ANKIB1: variants seen among roughly 807,000 people sequenced by gnomAD.
ANKIB1 encodes the protein ankyrin repeat and IBR domain containing 1.
In ANKIB1, 43 loss-of-function variants were observed where a neutral mutation model predicts 122.1. The observed-to-expected ratio is 0.35, with a 90% CI of 0.28 to 0.45. The LOEUF is 0.45. Ranked by LOEUF, ANKIB1 falls within the 20% of genes least tolerant of loss-of-function variation. ANKIB1 has a pLI of 1.00. For missense variants in ANKIB1, 992 were observed against 1,329.5 expected (o/e 0.75, Z 3.95); for synonymous variants, 390 against 442.0 (o/e 0.88, Z 1.48).
chr7:92,398,722 G>C lies in ANKIB1; in HGVS notation c.3043G>C (p.Glu1015Gln), dbSNP rs761556086. 19 of 1,613,684 alleles carry C rather than the reference G, an allele frequency of 1.2e-5. No homozygotes were observed. The highest frequency in any genetic ancestry group is 1.7e-4 in the Middle Eastern group (1 of 6,060). ...TGGGTCAGAAGGTGTGAAGGATGTGGAACTGGTGCTGCCAGAAGATTCAAT... is the reference window on the plus strand; with the variant it reads ...TGGGTCAGAAGGTGTGAAGGATGTGCAACTGGTGCTGCCAGAAGATTCAAT... Reference protein sequence around the residue: ...KDGSEGVKDVELVLPEDSMFE... With the variant: ...KDGSEGVKDVQLVLPEDSMFE... The change falls in exon 20 of 20, where the codon GAA becomes CAA. Residue 1015 changes from glutamate (E) to glutamine (Q), a missense_variant. Coordinates refer to ENST00000265742, the MANE Select transcript of ANKIB1 (RefSeq NM_019004.2).
intron 5 of ANKIB1, among the ~76,000 whole-genome samples, chr7:92,337,003 G>A (rs528511983): frequency 1.8e-4 from 28 of 152,198 alleles, no homozygotes; most frequent in Admixed American, 4.6e-4. Flanking sequence ...TTACCAGGAG[G>A]GCTATCCTAT....
In ANKIB1 at chr7:92,278,539, A is replaced by G. The variant is rs757570606; in HGVS notation, c.-90-16350A>G. Among the ~76,000 whole-genome samples, 190 of 152,218 alleles carry G rather than the reference A, an allele frequency of 1.2e-3. 1 individual carries two copies. The highest frequency in any genetic ancestry group is 1.2e-3 in the Non-Finnish European group (82 of 68,030). On this transcript the variant is annotated intron_variant, in intron 1 of 19. Coordinates refer to ENST00000265742, the MANE Select transcript of ANKIB1 (RefSeq NM_019004.2). ...TCTTGTTACAAAATGTGTCCCATTT[A>G]ACAATCTTAACTTTATAGTTTTCCA...
intron 10 of ANKIB1, among the ~76,000 whole-genome samples, chr7:92,362,756 G>A (rs1803981079): frequency 6.6e-6 from 1 of 152,196 alleles, no homozygotes; most frequent in African/African-American, 2.4e-5. Flanking sequence ...TGAGACTTCT[G>A]TAAATACATT....
chr7:92,322,426 TATG>T (rs1456848579), intron 4 of ANKIB1, among the ~76,000 whole-genome samples: 1 of 152,084 alleles, frequency 6.6e-6, no homozygotes, highest in African/African-American at 2.4e-5. Context: ...AAATGATCAT[TATG>T]ATTATAGGTA....
intron 4 of ANKIB1, among the ~76,000 whole-genome samples, chr7:92,321,665 C>T (rs1437419604): frequency 2.6e-5 from 4 of 152,152 alleles, no homozygotes; most frequent in African/African-American, 9.7e-5. Flanking sequence ...TATTATGTAA[C>T]TACTGGTTTG....
At chr7:92,289,495 A>G (rs1159054982) in intron 1 of ANKIB1, among the ~76,000 whole-genome samples, 2 of 152,192 alleles carry the variant, frequency 1.3e-5, no homozygotes, top group African/African-American at 4.8e-5. Context: ...CTTCCACCAC[A>G]CTGCTCCTCA....
intron 1 of ANKIB1, among the ~76,000 whole-genome samples, chr7:92,257,626 C>G (rs1255139085): frequency 6.6e-6 from 1 of 152,146 alleles, no homozygotes; most frequent in Non-Finnish European, 1.5e-5. Context: ...AACCCCGTCT[C>G]CACTAAAAAT....
intron 1 of ANKIB1, among the ~76,000 whole-genome samples, chr7:92,263,501 A>G (rs375689920): frequency 6.6e-6 from 1 of 152,314 alleles, no homozygotes; most frequent in Non-Finnish European, 1.5e-5. Context: ...TTGAGTTCTG[A>G]ACCATGTGAG....
At chr7:92,320,254 A>G (rs1370692467) in intron 4 of ANKIB1, among the ~76,000 whole-genome samples, 1 of 152,104 alleles carries the variant, frequency 6.6e-6, no homozygotes, top group African/African-American at 2.4e-5. Context: ...TCATCTTCTT[A>G]TGAGAGAACC....
chr7:92,323,003 T>C (rs183640239), intron 4 of ANKIB1, among the ~76,000 whole-genome samples: 138 of 152,304 alleles, frequency 9.1e-4, no homozygotes, highest in African/African-American at 3.2e-3. Context: ...AATGAGTTAA[T>C]ATATGTATAA....
intron 9 of ANKIB1, among the ~76,000 whole-genome samples, chr7:92,361,867 T>C (rs1350032955): frequency 6.6e-6 from 1 of 152,066 alleles, no homozygotes; most frequent in Non-Finnish European, 1.5e-5. Context: ...TGGAGTGCAA[T>C]GGTGCAATCT....
At position 92,350,949 on chromosome 7, in the gene ANKIB1, G is replaced by T; in HGVS notation, c.1086-1G>T. On this transcript the variant is annotated splice_acceptor_variant, in intron 7 of 19. Coordinates refer to ENST00000265742, the MANE Select transcript of ANKIB1 (RefSeq NM_019004.2). LOFTEE classifies it high-confidence loss of function. ...TGATGTGCATTGATCCATTTTAATAGGTTTTTGAATCTGAAAATTCAAGAA... is the reference window on the plus strand; with the variant it reads ...TGATGTGCATTGATCCATTTTAATATGTTTTTGAATCTGAAAATTCAAGAA... 1 of 1,600,768 alleles carries T rather than the reference G, an allele frequency of 6.2e-7. No individual in the cohort carries two copies. The highest frequency in any genetic ancestry group is 8.5e-7 in the Non-Finnish European group (1 of 1,174,700).
At chr7:92,394,174 A>G (rs560833627) in intron 17 of ANKIB1, among the ~76,000 whole-genome samples, 1 of 152,306 alleles carries the variant, frequency 6.6e-6, no homozygotes, top group Admixed American at 6.5e-5. Flanking sequence ...GTGATACCCC[A>G]TGGAAGTTCT....
chr7:92,308,709 G>A lies in ANKIB1; in HGVS notation c.486+1053G>A, dbSNP rs1404896867. 4.6e-5 allele frequency among the ~76,000 whole-genome samples: 7 copies of A among 151,896 alleles called. 1 individual carries two copies. The East Asian group carries it at 1.2e-3, about 25-fold the overall frequency. On this transcript the variant is annotated intron_variant, in intron 3 of 19. Transcript: ENST00000265742. ...AATATGAGATCTTAACTAAGTTAAG[G>A]AATCATTATATAGTATCGTCACTAC...
At chr7:92,319,192 T>G (rs1802854202) in intron 3 of ANKIB1, 138 bp from the exon 4 acceptor site, 1 of 433,706 alleles carries the variant, frequency 2.3e-6, no homozygotes, top group Non-Finnish European at 3.9e-6. Context: ...CTTTTTTTTT[T>G]GTCATTTCAA....
rs773913689 is a variant in ANKIB1 at position 92,362,174 on chromosome 7, A to G, written c.1398-11A>G. 2 of 1,582,688 alleles carry G rather than the reference A, an allele frequency of 1.3e-6. No individual in the cohort carries two copies. Among genetic ancestry groups the G allele is most frequent in the African/African-American group, 2.7e-5 (2 of 74,178 alleles). On this transcript the variant is annotated splice_polypyrimidine_tract_variant and intron_variant, in intron 9 of 19. Transcript: ENST00000265742. ...TTTTAAAATTGTCTTTTCTGTGTTT[A>G]TTTTCTTTAGGGAGTGCCTTGGTGA...
At chr7:92,318,529 C>T (rs943290434) in intron 3 of ANKIB1, among the ~76,000 whole-genome samples, 1 of 152,090 alleles carries the variant, frequency 6.6e-6, no homozygotes, top group African/African-American at 2.4e-5. Context: ...AAAAATAATC[C>T]TGTGACTGTC....
intron 11 of ANKIB1, among the ~76,000 whole-genome samples, chr7:92,373,154 A>G: frequency 6.6e-6 from 1 of 152,172 alleles, no homozygotes. Context: ...TGAGCAAAAT[A>G]TTCAAAAGTG....
chr7:92,387,959 A>G lies in ANKIB1; in HGVS notation c.1840-16A>G. The G allele has an allele frequency of 2.5e-6, 4 of 1,593,914 alleles. No homozygotes were observed. The highest frequency in any genetic ancestry group is 3.4e-6 in the Non-Finnish European group (4 of 1,169,190). On this transcript the variant is annotated splice_polypyrimidine_tract_variant and intron_variant, in intron 13 of 19. Transcript: ENST00000265742. ...ATAAAGAGAATGGTTTAAATTCTTT[A>G]TTTCTATTCCTTTAGCTAGAACAAC...
Sources: gnomAD v4.1 joint callset for allele counts (sites outside exome capture counted in the v4.1 genomes callset) on GRCh38, gnomAD v4.1.1 for gene constraint, MANE v1.5 for transcripts, NCBI Gene and HGNC (gene_info 2026-07-23, HGNC 2026-07-21) for gene names.